Variants in XRRA1 observed in about 807,000 individuals in gnomAD.
XRRA1 encodes X-ray radiation resistance associated 1.
A neutral mutation model predicts 80.2 loss-of-function variants in XRRA1; 69 were observed. The ratio of observed to expected loss-of-function variants is 0.86; its 90% CI spans 0.71 to 1.05. The LOEUF (loss-of-function observed/expected upper bound fraction) is 1.05. XRRA1 is among the 50% of genes least tolerant of loss of function. The pLI is 0.00. For missense variants in XRRA1, 967 were observed against 976.4 expected, an observed-to-expected ratio of 0.99 and a Z score of 0.13; for synonymous variants, 348 against 389.9, an observed-to-expected ratio of 0.89 and a Z score of 1.27.
At chr11:74,897,999 TCTTGA>T (rs1474866251) in intron 10 of XRRA1, among the ~76,000 whole-genome samples, 1 of 152,190 alleles carries the variant, frequency 6.6e-6, no homozygotes, top group Non-Finnish European at 1.5e-5. Context: ...TGTAAACTTC[TCTTGA>T]CTTAAGTAGA....
rs535693210 is a variant in XRRA1 at position 74,850,283 on chromosome 11, G to A, written c.1380+805C>T. Among the ~76,000 whole-genome samples the A allele has an allele frequency of 2.0e-4, 31 of 152,316 alleles. No homozygotes were observed. The South Asian group carries it at 5.0e-3, about 24-fold the overall frequency. ...GCATGGGGCTCTGTAAAGGAGAGAG[G>A]ATTCTGCCCCTCCCTGGCTGGCTGA... is the stretch of plus-strand genomic sequence containing the variant. On this transcript the variant is annotated intron_variant, in intron 14 of 18. Coordinates refer to ENST00000684022, the MANE Select transcript of XRRA1 (RefSeq NM_001378157.1).
At chr11:74,883,610 G>A (rs1453574498) in intron 10 of XRRA1, among the ~76,000 whole-genome samples, 4 of 152,178 alleles carry the variant, frequency 2.6e-5, no homozygotes, top group Admixed American at 2.6e-4. Context: ...TTGCCTAGAA[G>A]CTATTAAACT....
At position 74,843,256 on chromosome 11, in the gene XRRA1, G is replaced by A; in HGVS notation, c.2347C>T (p.Leu783Phe). ...TGGCAGAACTCATCCATGAACTCGA[G>A]GAAGTGGCCGAACTTGGGCTGGCTC... ...SESQPKFGHF[L>F]EFMDEFCQEP... The change falls in exon 19 of 19, where the codon CTC (leucine) becomes TTC (phenylalanine). Residue 783 changes from leucine (L) to phenylalanine (F), a missense_variant. By Grantham distance (22) the Leu-to-Phe change is conservative (BLOSUM62 0). Transcript: ENST00000684022. 1 of 1,571,278 alleles carries A rather than the reference G, an allele frequency of 6.4e-7. No individual in the cohort carries two copies. Among genetic ancestry groups the A allele is most frequent in the Non-Finnish European group, 8.6e-7 (1 of 1,158,352 alleles).
chr11:74,885,022 G>A (rs1232886323), intron 10 of XRRA1, among the ~76,000 whole-genome samples: 1 of 152,206 alleles, frequency 6.6e-6, no homozygotes, highest in Admixed American at 6.5e-5. Flanking sequence ...CCAGCAATTT[G>A]GGAGGCTGAG....
At chr11:74,878,917 T>C (rs983144365) in intron 10 of XRRA1, among the ~76,000 whole-genome samples, 1 of 151,894 alleles carries the variant, frequency 6.6e-6, no homozygotes, top group Admixed American at 6.6e-5. Context: ...AGCTTTGTTC[T>C]TTTGGCTTAG....
intron 3 of XRRA1, among the ~76,000 whole-genome samples, chr11:74,939,197 C>T (rs1945769994): frequency 6.6e-6 from 1 of 151,974 alleles, no homozygotes; most frequent in Admixed American, 6.6e-5. Context: ...ATAAAAAATA[C>T]AAAAATTAGC....
intron 16 of XRRA1, among the ~76,000 whole-genome samples, 197 bp downstream of exon 16, chr11:74,844,876 A>AG (rs2037610673): frequency 6.6e-6 from 1 of 152,268 alleles, no homozygotes; most frequent in Non-Finnish European, 1.5e-5. Context: ...GTGAAGGCCT[A>AG]GGCCAGGACA....
chr11:74,856,088 C>A (rs745730950), intron 12 of XRRA1, among the ~76,000 whole-genome samples: 2 of 152,180 alleles, frequency 1.3e-5, no homozygotes, highest in Non-Finnish European at 2.9e-5. Context: ...GCCAAGATCG[C>A]ACCACTGCAC....
At chr11:74,875,158 T>C (rs983707608) in intron 10 of XRRA1, among the ~76,000 whole-genome samples, 39 of 152,204 alleles carry the variant, frequency 2.6e-4, no homozygotes, top group Non-Finnish European at 1.0e-4. Flanking sequence ...TATCCTCAGT[T>C]TTCCTTCCAC....
chr11:74,935,381 C>T (rs1944698619), intron 4 of XRRA1, among the ~76,000 whole-genome samples: 1 of 152,176 alleles, frequency 6.6e-6, no homozygotes. Context: ...AATTAATCTA[C>T]CCTAAACAAT....
intron 7 of XRRA1, among the ~76,000 whole-genome samples, chr11:74,924,468 C>T (rs1310552576): frequency 2.1e-5 from 3 of 145,852 alleles, no homozygotes; most frequent in South Asian, 2.1e-4. Context: ...AGCGAAACTC[C>T]GTCTCAAAAA....
intron 10 of XRRA1, among the ~76,000 whole-genome samples, chr11:74,891,793 TC>T (rs774223772): frequency 1.3e-5 from 2 of 152,098 alleles, no homozygotes; most frequent in Non-Finnish European, 2.9e-5. Context: ...ATGAGTGAAC[TC>T]CCATTCACAA....
intron 10 of XRRA1, among the ~76,000 whole-genome samples, chr11:74,904,451 ACT>A (rs558679368): frequency 1.3e-5 from 2 of 151,454 alleles, no homozygotes; most frequent in Non-Finnish European, 2.9e-5. Flanking sequence ...ATAGGGTGAG[ACT>A]CTGTCTCTAA....
intron 12 of XRRA1, 41 bp downstream of exon 12, chr11:74,859,117 A>G (rs2041780219): frequency 1.9e-6 from 3 of 1,546,772 alleles, no homozygotes; most frequent in African/African-American, 2.8e-5. Flanking sequence ...CCACCTTCCC[A>G]TCTGTGCCCC....
chr11:74,928,090 T>C (rs760393929), intron 6 of XRRA1, among the ~76,000 whole-genome samples: 5 of 152,244 alleles, frequency 3.3e-5, no homozygotes, highest in Non-Finnish European at 7.3e-5. Flanking sequence ...AGATATATCC[T>C]AGTTTACTAA....
chr11:74,849,783 G>C (rs957369848), intron 14 of XRRA1, among the ~76,000 whole-genome samples: 3 of 152,168 alleles, frequency 2.0e-5, no homozygotes, highest in Non-Finnish European at 4.4e-5. Context: ...TCTTCCATTT[G>C]TGTCCTCACA....
intron 7 of XRRA1, among the ~76,000 whole-genome samples, chr11:74,922,597 A>C (rs1345169867): frequency 2.0e-5 from 3 of 152,152 alleles, no homozygotes; most frequent in Non-Finnish European, 4.4e-5. Context: ...GAATGGGGTC[A>C]GTTTCAGCAA....
intron 10 of XRRA1, among the ~76,000 whole-genome samples, chr11:74,886,586 A>ACATTC (rs2049081793): frequency 6.6e-6 from 1 of 152,146 alleles, no homozygotes; most frequent in Non-Finnish European, 1.5e-5. Flanking sequence ...AAATGGAAAA[A>ACATTC]CATTCCATGC....
chr11:74,854,176 AG>A (rs1251613466), intron 12 of XRRA1, among the ~76,000 whole-genome samples: 6 of 152,348 alleles, frequency 3.9e-5, no homozygotes, highest in African/African-American at 1.4e-4. Context: ...TGAGGCCTCC[AG>A]GTAGAAATGT....
Sources: allele counts gnomAD v4.1 joint callset (sites outside exome capture counted in the v4.1 genomes callset), GRCh38; gene constraint gnomAD v4.1.1; transcripts MANE v1.5; gene names NCBI Gene and HGNC (gene_info 2026-07-23, HGNC 2026-07-21).